The following RC3H2 variants were observed in gnomAD, a reference collection of about 807,000 sequenced individuals.
The protein encoded by RC3H2 is roquin-2.
RC3H2 carries 31 observed loss-of-function variants against 133.3 expected under a neutral mutation model. That is an observed-to-expected ratio of 0.23 (90% CI 0.17 to 0.31). The LOEUF (loss-of-function observed/expected upper bound fraction) is 0.31. RC3H2 is among the 10% of genes least tolerant of loss of function. The pLI, the probability that RC3H2 is intolerant of heterozygous loss-of-function variation, is 1.00. For missense variants in RC3H2, 1,175 were observed against 1,437.2 expected (o/e 0.82, Z 2.95); for synonymous variants, 517 against 502.2 (o/e 1.03, Z -0.40).
chr9:122,880,930 A>T, intron 5 of RC3H2, 136 bp from the exon 6 acceptor site: 1 of 647,848 alleles, frequency 1.5e-6, no homozygotes, highest in Non-Finnish European at 2.7e-6. Context: ...AAGATAAGAT[A>T]ATGTCCTGAC....
chr9:122,877,834 A>G (rs1191183345), intron 8 of RC3H2, among the ~76,000 whole-genome samples: 1 of 152,224 alleles, frequency 6.6e-6, no homozygotes, highest in East Asian at 1.9e-4. Context: ...CCATTTATTC[A>G]TTAGTTAACA....
chr9:122,878,823 A>G (rs1831461161), intron 8 of RC3H2, among the ~76,000 whole-genome samples: 1 of 151,638 alleles, frequency 6.6e-6, no homozygotes, highest in Non-Finnish European at 1.5e-5. Flanking sequence ...ATCTCGGCTC[A>G]CTGTAGCCTC....
chr9:122,890,530 T>A lies in RC3H2; in HGVS notation c.365A>T (p.Asn122Ile). The change falls in exon 4 of 21, where the codon AAC (asparagine) becomes ATC (isoleucine). Residue 122 changes from asparagine (N) to isoleucine (I), a missense_variant. Coordinates refer to ENST00000357244, the MANE Select transcript of RC3H2 (RefSeq NM_001100588.3). ...LSGGKGVASL[N>I]QSALSRPMQR... is the part of the protein sequence containing the mutation. ...CATTGGACGGCTCAGTGCACTCTGG[T>A]TCAAGCTAGCTACACCTTTAGGAAA... The A allele has an allele frequency of 6.2e-7, 1 of 1,612,712 alleles. No homozygotes were observed. Among genetic ancestry groups the A allele is most frequent in the Non-Finnish European group, 8.5e-7 (1 of 1,178,764 alleles).
intron 18 of RC3H2, among the ~76,000 whole-genome samples, chr9:122,852,270 C>T (rs1279786378): frequency 5.3e-5 from 8 of 150,908 alleles, no homozygotes; most frequent in South Asian, 2.1e-4. Context: ...GCAGCCGCCC[C>T]GTATGAGAAG....
Position 122,877,452 on chromosome 9 carries a change from CAG to C in RC3H2, c.1325+17_1325+18del. Reference sequence around the variant, plus strand: ...AATCAAAAATTAAACCCATATGAAACAGAATTCTCAACACTTACTTTTCAAGC... The same window carrying C: ...AATCAAAAATTAAACCCATATGAAACAATTCTCAACACTTACTTTTCAAGC... On this transcript the variant is annotated intron_variant, in intron 9 of 20. Coordinates refer to ENST00000357244, the MANE Select transcript of RC3H2 (RefSeq NM_001100588.3). The C allele has an allele frequency of 6.3e-7, 1 of 1,587,444 alleles. No individual in the cohort carries two copies.
Position 122,858,931 on chromosome 9 carries a change from G to T in RC3H2, c.2021C>A (p.Pro674His). Reference sequence around the variant, plus strand: ...TGGTCCATACGGCTGCGGAGGAGGAGGCTGGTAAGGAGAAGAATTCATTCG... The same window carrying T: ...TGGTCCATACGGCTGCGGAGGAGGATGCTGGTAAGGAGAAGAATTCATTCG... ...RDRMNSSPYQ[P>H]PPPQPYGPVP... Residue 674 changes from proline (P) to histidine (H), a missense_variant, in exon 12 of 21, where the codon CCT becomes CAT. Around this residue, in one of 8 missense-constraint regions of RC3H2, gnomAD observed 490 missense variants for 492.8 expected, o/e 0.99. Coordinates refer to ENST00000357244, the MANE Select transcript of RC3H2 (RefSeq NM_001100588.3). 6.2e-7 allele frequency: 1 copy of T among 1,614,238 alleles called. No homozygotes were observed. Among genetic ancestry groups the T allele is most frequent in the East Asian group, 2.2e-5 (1 of 44,890 alleles).
At chr9:122,889,535 G>A (rs1195078522) in intron 4 of RC3H2, among the ~76,000 whole-genome samples, 1 of 152,006 alleles carries the variant, frequency 6.6e-6, no homozygotes, top group African/African-American at 2.4e-5. Flanking sequence ...AAACCTTCAA[G>A]AAGAAAACAC....
chr9:122,854,097 A>C lies in RC3H2; in HGVS notation c.2983-11T>G. On this transcript the variant is annotated splice_polypyrimidine_tract_variant and intron_variant, in intron 17 of 20. Transcript: ENST00000357244. ...TGAGTTGCTCTTGGCCTATATGAGGAGGGAAAAAAAGAAAAGTTAGCTTCC... is the reference window on the plus strand; with the variant it reads ...TGAGTTGCTCTTGGCCTATATGAGGCGGGAAAAAAAGAAAAGTTAGCTTCC... The C allele has an allele frequency of 6.2e-7, 1 of 1,612,514 alleles. No homozygotes were observed.
At chr9:122,886,986 T>C (rs903289099) in intron 4 of RC3H2, among the ~76,000 whole-genome samples, 4 of 152,216 alleles carry the variant, frequency 2.6e-5, no homozygotes, top group African/African-American at 9.6e-5. Flanking sequence ...TAAAAGTAGA[T>C]TTTTAAAATA....
At position 122,898,533 on chromosome 9, in the gene RC3H2, T is replaced by C. The variant is rs527242623; in HGVS notation, c.-67-957A>G. 3.1e-3 allele frequency among the ~76,000 whole-genome samples: 470 copies of C among 152,230 alleles called. 8 individuals are homozygous for C. The highest frequency in any genetic ancestry group is 2.1e-3 in the Non-Finnish European group (141 of 68,016). ...GAGAGGCCGAGGTGGGAGGATCACC[T>C]GAGGTCAGGAGCTTGAGAACAGCCT... On this transcript the variant is annotated intron_variant, in intron 1 of 20. Coordinates refer to ENST00000357244, the MANE Select transcript of RC3H2 (RefSeq NM_001100588.3).
chr9:122,850,654 G>A (rs1829987477), intron 20 of RC3H2, among the ~76,000 whole-genome samples: 1 of 151,540 alleles, frequency 6.6e-6, no homozygotes, highest in Non-Finnish European at 1.5e-5. Context: ...ATGTTGGCCA[G>A]GCTGCTCTTG....
At chr9:122,886,969 T>C (rs1375458828) in intron 4 of RC3H2, among the ~76,000 whole-genome samples, 2 of 152,234 alleles carry the variant, frequency 1.3e-5, no homozygotes, top group Admixed American at 6.5e-5. Flanking sequence ...CATTCTTAAA[T>C]TCTATATAAA....
At position 122,855,742 on chromosome 9, in the gene RC3H2, G is replaced by C. The variant is rs757079771; in HGVS notation, c.2591C>G (p.Ala864Gly). Residue 864 changes from alanine to glycine, a missense_variant, in exon 14 of 21, where the codon GCT becomes GGT. Coordinates refer to ENST00000357244, the MANE Select transcript of RC3H2 (RefSeq NM_001100588.3). ...CCAGCAAAATCATACCATTAACACA[G>C]CATTTGAATTAGCAATGACATCTTT... ...EPKDVIANSN[A>G]VLMDLDSGDV... The C allele has an allele frequency of 6.2e-7, 1 of 1,612,500 alleles. No individual in the cohort carries two copies. The highest frequency in any genetic ancestry group is 1.7e-5 in the Admixed American group (1 of 59,770).
chr9:122,846,476 A>G lies in RC3H2; in HGVS notation c.*3151T>C, dbSNP rs1371014674. On this transcript the variant is annotated 3_prime_UTR_variant, in exon 21 of 21. Transcript: ENST00000357244. ...ACCAACTAGAAAAAATATATATGTAACTTCCTCTGAATTCATAAAATGAAA... is the reference window on the plus strand; with the variant it reads ...ACCAACTAGAAAAAATATATATGTAGCTTCCTCTGAATTCATAAAATGAAA... The G allele has an allele frequency of 6.6e-6, 1 of 152,160 alleles. No homozygotes were observed. The highest frequency in any genetic ancestry group is 2.4e-5 in the African/African-American group (1 of 41,442). The allele number at this position is 152,160 out of a possible 1,614,324, so 9.4% of individuals were successfully genotyped here.
chr9:122,851,056 T>G (rs766617717), intron 20 of RC3H2, 25 bp downstream of exon 20: 1 of 1,613,114 alleles, frequency 6.2e-7, no homozygotes. Flanking sequence ...GCCCACTGTT[T>G]ATGAATTTTC....
chr9:122,874,574 GTGGTA>G (rs1184072894), intron 9 of RC3H2: 1 of 152,118 alleles, frequency 6.6e-6, no homozygotes, highest in Non-Finnish European at 1.5e-5. Context: ...TTGGAATACA[GTGGTA>G]TAATCTCAGT....
At chr9:122,897,045 AAAAAAG>A (rs1832451618) in intron 2 of RC3H2, among the ~76,000 whole-genome samples, 1 of 150,542 alleles carries the variant, frequency 6.6e-6, no homozygotes, top group Non-Finnish European at 1.5e-5. Context: ...AAAAAAAAAA[AAAAAAG>A]GCCACATAAG....
rs372885100 is a variant in RC3H2, at chr9:122,893,004, T to C, written c.254A>G (p.Lys85Arg). Residue 85 changes from lysine to arginine, a missense_variant, in exon 3 of 21, where the codon AAG becomes AGG. Physicochemically the swap from Lys to Arg is conservative, Grantham distance 26. Coordinates refer to ENST00000357244, the MANE Select transcript of RC3H2 (RefSeq NM_001100588.3). ...TTTATTCTCACCTAGATTACTTAAC[T>C]TAATTGACTGATGATCTGGTACCTT... ...GAQVPDHQSIKLSNLGENKHY... is the reference protein window; with the variant it reads ...GAQVPDHQSIRLSNLGENKHY... The C allele has an allele frequency of 1.9e-6, 3 of 1,609,766 alleles. No individual in the cohort carries two copies. The African/African-American group carries it at 4.0e-5, about 22-fold the overall frequency.
intron 1 of RC3H2, among the ~76,000 whole-genome samples, chr9:122,903,402 AC>A (rs1832730569): frequency 6.6e-6 from 1 of 152,266 alleles, no homozygotes; most frequent in Non-Finnish European, 1.5e-5. Context: ...TAGAAGTTCA[AC>A]TTTTGAATAT....
Sources: allele counts gnomAD v4.1 joint callset (sites outside exome capture counted in the v4.1 genomes callset), GRCh38; gene constraint gnomAD v4.1.1; regional missense constraint gnomAD v4.1.1; transcripts MANE v1.5; gene names NCBI Gene and HGNC (gene_info 2026-07-23, HGNC 2026-07-21).